The following ADAMTS6 variants were observed in gnomAD, a reference collection of about 807,000 sequenced individuals.
ADAMTS6 encodes A disintegrin and metalloproteinase with thrombospondin motifs 6.
A neutral mutation model predicts 144.3 loss-of-function variants in ADAMTS6; 23 were observed. That is an observed-to-expected ratio of 0.16 (90% confidence interval 0.11 to 0.23). ADAMTS6 has a LOEUF of 0.23. Ranked by LOEUF, ADAMTS6 falls within the 10% of genes least tolerant of loss-of-function variation. The probability of loss-of-function intolerance (pLI) is 1.00; values close to 1 mark genes in which losing one functional copy is unlikely to be tolerated. For missense variants in ADAMTS6, 999 were observed against 1,379.6 expected, an observed-to-expected ratio of 0.72 and a Z score of 4.37; for synonymous variants, 444 against 457.5, an observed-to-expected ratio of 0.97 and a Z score of 0.38.
chr5:65,320,173 TAA>T (rs1158679385), intron 9 of ADAMTS6, among the ~76,000 whole-genome samples: 1 of 151,854 alleles, frequency 6.6e-6, no homozygotes, highest in Non-Finnish European at 1.5e-5. Flanking sequence ...AACAGAACAA[TAA>T]AATCAATAAA....
At chr5:65,445,002 G>T (rs1263804451) in intron 7 of ADAMTS6, among the ~76,000 whole-genome samples, 1 of 152,062 alleles carries the variant, frequency 6.6e-6, no homozygotes, top group African/African-American at 2.4e-5. Context: ...TTAAGTATCT[G>T]GTACTTGGTT....
At chr5:65,370,460 T>A (rs551484111) in intron 7 of ADAMTS6, among the ~76,000 whole-genome samples, 37 of 152,292 alleles carry the variant, frequency 2.4e-4, no homozygotes, top group African/African-American at 8.9e-4. Context: ...TTGCCTCACC[T>A]GGGAAGCGCA....
chr5:65,245,401 T>C (rs1580170746), intron 14 of ADAMTS6, among the ~76,000 whole-genome samples: 1 of 152,070 alleles, frequency 6.6e-6, no homozygotes, highest in African/African-American at 2.4e-5. Flanking sequence ...AACAGTTCCA[T>C]CCTCCCTACC....
rs779066193 is a variant in ADAMTS6 at position 65,473,596 on chromosome 5, C to A, written c.78G>T (p.Arg26Ser). Residue 26 changes from arginine to serine, a missense_variant, in exon 2 of 25, where the codon AGG (arginine) becomes AGT (serine). This residue lies in a region of ADAMTS6 where 252 missense variants were observed against 293.7 expected (regional missense o/e 0.86). Transcript: ENST00000381055. ...TCCTACCTTGAGAACTGTATGAAAG[C>A]CTGTGGTCACTATGAAATTCCGATG... ...MASSEFHSDH[R>S]LSYSSQEEFL... The A allele has an allele frequency of 2.4e-5, 39 of 1,613,474 alleles. No individual in the cohort carries two copies. The highest frequency in any genetic ancestry group is 3.1e-5 in the Non-Finnish European group (36 of 1,179,620).
intron 9 of ADAMTS6, among the ~76,000 whole-genome samples, chr5:65,328,534 TA>T (rs58427371): frequency 0.56 from 83,489 of 148,866 alleles, 24,060 homozygotes; most frequent in African/African-American, 0.72. Context: ...GCTTTCCTGC[TA>T]AAAAAAAAAA....
At chr5:65,251,097 A>G (rs1367404556) in intron 14 of ADAMTS6, 1 of 152,208 alleles carries the variant, frequency 6.6e-6, no homozygotes, top group Non-Finnish European at 1.5e-5. Flanking sequence ...TCTTTAGGCC[A>G]GTAAAAAGAA....
chr5:65,262,997 T>A, intron 12 of ADAMTS6, 35 bp from the exon 13 acceptor site: 1 of 1,613,106 alleles, frequency 6.2e-7, no homozygotes, highest in Non-Finnish European at 8.5e-7. Flanking sequence ...GAATTAGCTT[T>A]TAGGCAGATA....
chr5:65,391,921 C>T (rs1447094979), intron 7 of ADAMTS6, among the ~76,000 whole-genome samples: 3 of 151,692 alleles, frequency 2.0e-5, no homozygotes, highest in Non-Finnish European at 2.9e-5. Context: ...TTTTTAGCAG[C>T]GATGGGATTT....
intron 7 of ADAMTS6, among the ~76,000 whole-genome samples, chr5:65,379,942 C>T (rs1751893894): frequency 6.6e-6 from 1 of 151,844 alleles, no homozygotes; most frequent in Non-Finnish European, 1.5e-5. Flanking sequence ...TTCTCGAATT[C>T]CTAATAGATA....
chr5:65,358,816 C>T (rs1282417556), intron 7 of ADAMTS6, among the ~76,000 whole-genome samples: 1 of 152,006 alleles, frequency 6.6e-6, no homozygotes, highest in African/African-American at 2.4e-5. Context: ...GAAAAGTGGA[C>T]AGCCACAGGC....
chr5:65,389,612 T>C (rs1465553360), intron 7 of ADAMTS6, among the ~76,000 whole-genome samples: 1 of 151,886 alleles, frequency 6.6e-6, no homozygotes, highest in African/African-American at 2.4e-5. Flanking sequence ...ACTGTGATAC[T>C]AGATACATAG....
At chr5:65,407,258 G>A (rs1754604293) in intron 7 of ADAMTS6, among the ~76,000 whole-genome samples, 1 of 152,006 alleles carries the variant, frequency 6.6e-6, no homozygotes, top group Non-Finnish European at 1.5e-5. Context: ...ACCCACAAAG[G>A]GAAGCCCATC....
intron 10 of ADAMTS6, among the ~76,000 whole-genome samples, chr5:65,299,554 T>G (rs1743167271): frequency 6.6e-6 from 1 of 152,178 alleles, no homozygotes; most frequent in African/African-American, 2.4e-5. Context: ...AGTGTTCATT[T>G]CCTTGGTGTT....
intron 15 of ADAMTS6, among the ~76,000 whole-genome samples, chr5:65,239,779 T>C (rs1759008393): frequency 1.3e-5 from 2 of 152,030 alleles, no homozygotes; most frequent in South Asian, 4.1e-4. Context: ...AACATTATCA[T>C]GAGAAAATGG....
chr5:65,204,313 A>G (rs572298077), intron 20 of ADAMTS6, among the ~76,000 whole-genome samples: 1 of 152,342 alleles, frequency 6.6e-6, no homozygotes, highest in African/African-American at 2.4e-5. Context: ...TATTATAGAT[A>G]AATAAATGAA....
intron 13 of ADAMTS6, among the ~76,000 whole-genome samples, chr5:65,261,255 T>C (rs1761171950): frequency 6.6e-6 from 1 of 152,154 alleles, no homozygotes. Context: ...AAATACTAAA[T>C]ATTTTATATT....
chr5:65,204,948 G>A (rs1270696172), intron 20 of ADAMTS6, among the ~76,000 whole-genome samples: 1 of 152,102 alleles, frequency 6.6e-6, no homozygotes, highest in Non-Finnish European at 1.5e-5. Flanking sequence ...ATTGAATAAA[G>A]TGCTTTTAAC....
chr5:65,467,920 A>G (rs1760146253), intron 3 of ADAMTS6, among the ~76,000 whole-genome samples: 1 of 152,240 alleles, frequency 6.6e-6, no homozygotes, highest in Non-Finnish European at 1.5e-5. Flanking sequence ...GGCTCCATGA[A>G]AAATGCCTCC....
At chr5:65,173,505 C>A (rs1753756189) in intron 22 of ADAMTS6, among the ~76,000 whole-genome samples, 1 of 152,174 alleles carries the variant, frequency 6.6e-6, no homozygotes. Flanking sequence ...AGGTTTCTTG[C>A]ACAGAAAATC....
Sources: allele counts gnomAD v4.1 joint callset (sites outside exome capture counted in the v4.1 genomes callset), GRCh38; gene constraint gnomAD v4.1.1; regional missense constraint gnomAD v4.1.1; transcripts MANE v1.5; gene names NCBI Gene and HGNC (gene_info 2026-07-23, HGNC 2026-07-21).